Variants in HHIP observed in about 807,000 individuals in gnomAD.
HHIP encodes the protein hedgehog interacting protein.
In HHIP, 12 loss-of-function variants were observed where a neutral mutation model predicts 74.0. The ratio of observed to expected loss-of-function variants is 0.16; its 90% CI spans 0.10 to 0.26. The LOEUF is 0.26. Among genes scored for constraint, HHIP ranks in the 10% least tolerant of loss-of-function variants. The pLI is 1.00. For synonymous variants in HHIP, 309 were observed against 311.6 expected, an observed-to-expected ratio of 0.99 and a Z score of 0.09; for missense variants, 788 against 845.0, an observed-to-expected ratio of 0.93 and a Z score of 0.84.
At chr4:144,690,893 T>C (rs147629052) in intron 4 of HHIP, among the ~76,000 whole-genome samples, 81 of 152,296 alleles carry the variant, frequency 5.3e-4, no homozygotes, top group African/African-American at 1.8e-3. Flanking sequence ...CCATGATTTT[T>C]TTTTAACCTC....
At chr4:144,681,479 G>A (rs1280628784) in intron 4 of HHIP, among the ~76,000 whole-genome samples, 3 of 140,482 alleles carry the variant, frequency 2.1e-5, no homozygotes, top group African/African-American at 8.0e-5. Context: ...AGGTTGGAGT[G>A]CAGTGGCGTA....
chr4:144,715,549 CA>C, intron 10 of HHIP, 119 bp downstream of exon 10: 1 of 946,078 alleles, frequency 1.1e-6, no homozygotes, highest in Non-Finnish European at 1.5e-6. Context: ...ATGTAATCCA[CA>C]GCAAAGATGA....
At chr4:144,674,679 G>A (rs1729128253) in intron 4 of HHIP, among the ~76,000 whole-genome samples, 1 of 152,082 alleles carries the variant, frequency 6.6e-6, no homozygotes, top group Non-Finnish European at 1.5e-5. Context: ...CTTTTCATCA[G>A]GTACACACCT....
chr4:144,734,635 C>T, intron 11 of HHIP, 106 bp from the exon 12 acceptor site: 1 of 847,918 alleles, frequency 1.2e-6, no homozygotes, highest in Non-Finnish European at 1.7e-6. Flanking sequence ...AAAAAAGTCT[C>T]TCTAGAAAGT....
intron 4 of HHIP, among the ~76,000 whole-genome samples, chr4:144,704,946 C>T (rs561992077): frequency 6.6e-6 from 1 of 152,216 alleles, no homozygotes; most frequent in South Asian, 2.1e-4. Context: ...ATTAAAATCA[C>T]CAGAACAAGA....
rs532263543 is a variant in HHIP at position 144,739,918 on chromosome 4, A to G, written c.*1961A>G. 6.6e-6 allele frequency: 1 copy of G among 152,248 alleles called. No individual in the cohort carries two copies. Among genetic ancestry groups the G allele is most frequent in the South Asian group, 2.1e-4 (1 of 4,828 alleles). The allele number at this position is 152,248 out of a possible 1,614,324, so 9.4% of individuals were successfully genotyped here. ...AGCCTGCATCTGTAGGTTAATAGCA[A>G]TCTTTTGTCTCCATTGCTTTCTCTT... On this transcript the variant is annotated 3_prime_UTR_variant, in exon 13 of 13. Transcript: ENST00000296575.
intron 10 of HHIP, among the ~76,000 whole-genome samples, chr4:144,716,576 G>A (rs1730448948): frequency 6.6e-6 from 1 of 152,072 alleles, no homozygotes; most frequent in Admixed American, 6.6e-5. Context: ...GGATGGGCAT[G>A]GTGGCTCACG....
chr4:144,671,932 C>T (rs899801382), intron 4 of HHIP, among the ~76,000 whole-genome samples: 1 of 151,970 alleles, frequency 6.6e-6, no homozygotes, highest in Admixed American at 6.6e-5. Flanking sequence ...TGCAGTGAGC[C>T]GAGATCATGC....
chr4:144,715,485 C>G, intron 10 of HHIP, 55 bp downstream of exon 10: 1 of 1,545,666 alleles, frequency 6.5e-7, no homozygotes, highest in African/African-American at 1.4e-5. Context: ...TTTCAAGAGG[C>G]TTTGTTCTGC....
At chr4:144,709,856 A>C (rs1348795735) in intron 7 of HHIP, among the ~76,000 whole-genome samples, 1 of 152,176 alleles carries the variant, frequency 6.6e-6, no homozygotes. Context: ...GTACCTCCAC[A>C]CATGCATAGT....
intron 11 of HHIP, among the ~76,000 whole-genome samples, chr4:144,731,423 T>A (rs996984753): frequency 1.3e-5 from 2 of 152,188 alleles, no homozygotes; most frequent in Admixed American, 6.5e-5. Context: ...TTATTTATTT[T>A]ACTTATTTAT....
chr4:144,648,823 A>G (rs555504561), intron 1 of HHIP: 1 of 152,228 alleles, frequency 6.6e-6, no homozygotes, highest in Admixed American at 6.5e-5. Context: ...TTATATAAAA[A>G]TTTTTTTAAA....
chr4:144,658,902 C>T lies in HHIP; in HGVS notation c.585C>T (p.Tyr195=). The change falls in exon 3 of 13, where the codon TAC becomes TAT. Residue 195 remains tyrosine, a synonymous_variant. Transcript: ENST00000296575. ...AAGTCAGAGGACCAGCATCTAACTA[C>T]TTGGACCAGATGGAAGAATATGACA... ...RKQVRGPASN[Y]LDQMEEYDKV... is the part of the protein sequence containing the mutation. 6.2e-7 allele frequency: 1 copy of T among 1,613,442 alleles called. No homozygotes were observed. Among genetic ancestry groups the T allele is most frequent in the Non-Finnish European group, 8.5e-7 (1 of 1,179,528 alleles).
rs529882706 is a variant in HHIP, at chr4:144,733,836, C to A, written c.1761-905C>A. Among the ~76,000 whole-genome samples, 19 of 152,062 alleles carry A rather than the reference C, an allele frequency of 1.2e-4. No individual in the cohort carries two copies. The South Asian group carries it at 2.9e-3, about 23-fold the overall frequency. ...GTTGTGACCATGACTCCAGCCTGAC[C>A]CAGCTCAAATGACATCTTATTTTAA... On this transcript the variant is annotated intron_variant, in intron 11 of 12. Transcript: ENST00000296575.
chr4:144,712,512 T>G (rs1730333455), intron 8 of HHIP, among the ~76,000 whole-genome samples: 1 of 152,164 alleles, frequency 6.6e-6, no homozygotes, highest in Admixed American at 6.6e-5. Flanking sequence ...CAAATAAGAA[T>G]GTAATTTTTT....
At chr4:144,650,918 T>TA (rs1283489516) in intron 1 of HHIP, 1 of 152,032 alleles carries the variant, frequency 6.6e-6, no homozygotes, top group Non-Finnish European at 1.5e-5. Flanking sequence ...TTTTCAGCTA[T>TA]AAAAAATGGA....
rs1578670887 is a variant in HHIP, at chr4:144,647,097, G to A, written c.279+143G>A. ...TCCATAACTTTTCTATAGCGCTAACGTGATTCCGTTGTGTGTTCCTCTGGG... is the reference window on the plus strand; with the variant it reads ...TCCATAACTTTTCTATAGCGCTAACATGATTCCGTTGTGTGTTCCTCTGGG... On this transcript the variant is annotated intron_variant, in intron 1 of 12. Transcript: ENST00000296575. 3 of 665,156 alleles carry A rather than the reference G, an allele frequency of 4.5e-6. No homozygotes were observed. In the South Asian group the frequency reaches 6.7e-5, roughly 15 times the overall value. The allele number at this position is 665,156 out of a possible 1,614,324, so 41.2% of individuals were successfully genotyped here.
rs761207410 is a variant in HHIP at position 144,739,196 on chromosome 4, G to T, written c.*1239G>T. ...AATTTTCTGTAAATGTTCTGTTCAG[G>T]GTTTTACAGAGATGACATGTTCTGA... On this transcript the variant is annotated 3_prime_UTR_variant, in exon 13 of 13. Transcript: ENST00000296575. 1.3e-5 allele frequency: 2 copies of T among 152,106 alleles called. No individual in the cohort carries two copies. Among genetic ancestry groups the T allele is most frequent in the Admixed American group, 1.3e-4 (2 of 15,264 alleles). 9.4% of individuals were successfully genotyped at this position (152,106 alleles called of 1,614,324 possible). A position where few individuals can be genotyped will look rare whatever the true frequency, so the allele number is the denominator to read the frequency against.
chr4:144,711,502 C>G (rs970660446), intron 7 of HHIP, among the ~76,000 whole-genome samples: 8 of 152,190 alleles, frequency 5.3e-5, no homozygotes, highest in South Asian at 2.1e-4. Context: ...ACCCCGCCCC[C>G]CAACAGGCCC....
Sources: allele counts gnomAD v4.1 joint callset (sites outside exome capture counted in the v4.1 genomes callset), GRCh38; gene constraint gnomAD v4.1.1; transcripts MANE v1.5; gene names NCBI Gene and HGNC (gene_info 2026-07-23, HGNC 2026-07-21).